Variants in SLC4A5 observed in about 807,000 individuals in gnomAD.
SLC4A5 encodes electrogenic sodium bicarbonate cotransporter 4.
In SLC4A5, 96 loss-of-function variants were observed where a neutral mutation model predicts 120.4. The observed-to-expected ratio is 0.80, with a 90% confidence interval of 0.68 to 0.94. SLC4A5 has a LOEUF of 0.94. Among genes scored for constraint, SLC4A5 ranks in the 40% least tolerant of loss-of-function variants. SLC4A5 has a pLI of 0.00. For synonymous variants in SLC4A5, 550 were observed against 571.1 expected, an observed-to-expected ratio of 0.96 and a Z score of 0.53; for missense variants, 1,259 against 1,459.5, an observed-to-expected ratio of 0.86 and a Z score of 2.24.
At chr2:74,338,734 A>G (rs1168115088) in intron 3 of SLC4A5, 121 bp downstream of exon 3, 1 of 152,254 alleles carries the variant, frequency 6.6e-6, no homozygotes, top group Non-Finnish European at 1.5e-5. Flanking sequence ...GAACTGCTCG[A>G]ACCCAGTAGG....
At chr2:74,335,321 C>G (rs540980966) in intron 3 of SLC4A5, among the ~76,000 whole-genome samples, 1 of 152,340 alleles carries the variant, frequency 6.6e-6, no homozygotes, top group South Asian at 2.1e-4. Flanking sequence ...TCATTTGGCA[C>G]ACACTATTGG....
intron 3 of SLC4A5, among the ~76,000 whole-genome samples, chr2:74,337,366 C>G (rs193086904): frequency 3.3e-5 from 5 of 152,266 alleles, no homozygotes; most frequent in Admixed American, 3.3e-4. Context: ...AAGGGCAGGA[C>G]CCTTTGTAGG....
At chr2:74,322,224 C>G (rs1406729899) in intron 5 of SLC4A5, among the ~76,000 whole-genome samples, 1 of 151,970 alleles carries the variant, frequency 6.6e-6, no homozygotes, top group East Asian at 1.9e-4. Context: ...AAACTGCTAG[C>G]CAAGTTTTAT....
At chr2:74,276,230 C>A (rs894873955) in intron 8 of SLC4A5, among the ~76,000 whole-genome samples, 2 of 152,082 alleles carry the variant, frequency 1.3e-5, no homozygotes, top group African/African-American at 4.8e-5. Flanking sequence ...CACAAAAAGC[C>A]TAAAATATTT....
chr2:74,234,993 T>G, intron 22 of SLC4A5, 108 bp downstream of exon 22: 1 of 842,130 alleles, frequency 1.2e-6, no homozygotes, highest in Non-Finnish European at 1.9e-6. Context: ...AGAACTAAAA[T>G]GGTCTCTTGG....
At chr2:74,307,324 C>T in intron 6 of SLC4A5, 1 of 573,118 alleles carries the variant, frequency 1.7e-6, no homozygotes, top group South Asian at 1.6e-5. Context: ...ATGGTCAACC[C>T]AGAGCTGGTA....
intron 26 of SLC4A5, among the ~76,000 whole-genome samples, chr2:74,227,333 AG>A (rs1168131219): frequency 1.3e-5 from 2 of 152,266 alleles, no homozygotes; most frequent in East Asian, 3.9e-4. Flanking sequence ...GCCCTGGGTG[AG>A]GGGAGGAGCC....
At chr2:74,312,584 G>A (rs1053004036) in intron 6 of SLC4A5, among the ~76,000 whole-genome samples, 1 of 152,008 alleles carries the variant, frequency 6.6e-6, no homozygotes, top group African/African-American at 2.4e-5. Flanking sequence ...CTTGTTTTTT[G>A]ATCCTGCCTA....
At chr2:74,320,021 C>T (rs13403323) in intron 5 of SLC4A5, among the ~76,000 whole-genome samples, 6 of 151,908 alleles carry the variant, frequency 3.9e-5, no homozygotes, top group South Asian at 4.2e-4. Flanking sequence ...CAGAACTTTT[C>T]GAAATTAAAA....
intron 4 of SLC4A5, 60 bp downstream of exon 4, chr2:74,333,967 G>A (rs1032351294): frequency 2.6e-5 from 4 of 152,206 alleles, no homozygotes; most frequent in African/African-American, 4.8e-5. Context: ...TGGGGGCCCT[G>A]GCAGGCTTAT....
intron 20 of SLC4A5, 127 bp from the exon 21 acceptor site, chr2:74,239,662 G>T: frequency 1.2e-6 from 1 of 857,502 alleles, no homozygotes. Context: ...GCCCCCCAGA[G>T]TGATGTTCCT....
At chr2:74,296,078 G>GGTCTT (rs1672315377) in intron 7 of SLC4A5, among the ~76,000 whole-genome samples, 5 of 152,118 alleles carry the variant, frequency 3.3e-5, no homozygotes, top group Admixed American at 3.3e-4. Context: ...TTCCCCTTAA[G>GGTCTT]GTCTTAAGGT....
At chr2:74,288,431 A>C (rs1672054174) in intron 7 of SLC4A5, among the ~76,000 whole-genome samples, 1 of 152,210 alleles carries the variant, frequency 6.6e-6, no homozygotes. Context: ...AGCACTGAGA[A>C]GCTATGGTCT....
chr2:74,280,626 G>A (rs1254127008), intron 8 of SLC4A5, among the ~76,000 whole-genome samples: 2 of 152,124 alleles, frequency 1.3e-5, no homozygotes, highest in Non-Finnish European at 1.5e-5. Flanking sequence ...CCAGAGGGCT[G>A]GGGATGCCTA....
intron 7 of SLC4A5, among the ~76,000 whole-genome samples, chr2:74,300,568 T>C (rs997790455): frequency 6.6e-6 from 1 of 152,244 alleles, no homozygotes; most frequent in East Asian, 1.9e-4. Context: ...CATTTAAGAC[T>C]CATGACAGGT....
chr2:74,309,287 T>A (rs1197986904), intron 6 of SLC4A5, among the ~76,000 whole-genome samples: 2 of 152,138 alleles, frequency 1.3e-5, no homozygotes, highest in Non-Finnish European at 2.9e-5. Flanking sequence ...AAAATATTAT[T>A]CTTCTTCCAT....
intron 12 of SLC4A5, among the ~76,000 whole-genome samples, chr2:74,257,247 CA>C (rs139455226): frequency 7.1e-4 from 105 of 147,448 alleles, no homozygotes; most frequent in African/African-American, 2.1e-3. Flanking sequence ...TCCAATCAGA[CA>C]AAAAAAAAAT....
chr2:74,247,215 A>T (rs751615553), exon 19 of SLC4A5: 4 of 1,614,036 alleles, frequency 2.5e-6, no homozygotes, highest in Non-Finnish European at 3.4e-6. Context: ...TTTGATGATA[A>T]AGCTGGCATC....
chr2:74,325,813 T>G (rs1673202457), intron 5 of SLC4A5, among the ~76,000 whole-genome samples: 1 of 150,798 alleles, frequency 6.6e-6, no homozygotes, highest in South Asian at 2.1e-4. Flanking sequence ...CTGGATTCTT[T>G]TTGATTCTCA....
Sources: allele counts gnomAD v4.1 joint callset (sites outside exome capture counted in the v4.1 genomes callset), GRCh38; gene constraint gnomAD v4.1.1; transcripts MANE v1.5; gene names NCBI Gene and HGNC (gene_info 2026-07-23, HGNC 2026-07-21).